Variants in PPARG observed in about 807,000 individuals in gnomAD.
PPARG encodes the protein peroxisome proliferator-activated receptor gamma.
In PPARG, 17 loss-of-function variants were observed where a neutral mutation model predicts 39.2. The ratio of observed to expected loss-of-function variants is 0.43; its 90% CI spans 0.30 to 0.65. PPARG has a LOEUF of 0.65. Ranked by LOEUF, PPARG falls within the 30% of genes least tolerant of loss-of-function variation. The pLI is 0.13. For missense variants in PPARG, 406 were observed against 585.9 expected (o/e 0.69, Z 3.17); for synonymous variants, 223 against 215.7 (o/e 1.03, Z -0.30).
chr3:12,316,192 C>T lies in PPARG; in HGVS notation c.-9+3739C>T, dbSNP rs138967752. Among the ~76,000 whole-genome samples, 16 of 152,234 alleles carry T rather than the reference C, an allele frequency of 1.1e-4. No homozygotes were observed. In the East Asian group the frequency reaches 1.9e-3, roughly 18 times the overall value. On this transcript the variant is annotated intron_variant, in intron 2 of 7. Transcript: ENST00000651735. ...TAAAAGACAAAGTTAGGAGCAGGTA[C>T]GTACTTTGGCGTCTGAAAATGAGCG...
chr3:12,348,528 A>T (rs1237736158), intron 2 of PPARG, among the ~76,000 whole-genome samples: 1 of 152,154 alleles, frequency 6.6e-6, no homozygotes, highest in Non-Finnish European at 1.5e-5. Context: ...ATCATTCCTC[A>T]TTATCCCCAT....
chr3:12,366,846 T>TA (rs768040352), intron 2 of PPARG, among the ~76,000 whole-genome samples: 6 of 152,208 alleles, frequency 3.9e-5, no homozygotes, highest in Non-Finnish European at 7.4e-5. Context: ...GAGATTGGTC[T>TA]ATAGGGTTTA....
At chr3:12,288,534 G>A (rs1410005111), upstream of PPARG, among the ~76,000 whole-genome samples, 1 of 152,050 alleles carries the variant, frequency 6.6e-6, no homozygotes, top group African/African-American at 2.4e-5. Context: ...GGAGCAGGGT[G>A]TCTGGACCCG....
At chr3:12,312,336 A>C (rs1190772423) in intron 1 of PPARG, 44 bp from the exon 2 acceptor site, 2 of 152,250 alleles carry the variant, frequency 1.3e-5, no homozygotes, top group Admixed American at 1.3e-4. Context: ...CACATTCTGA[A>C]CATGTGTGTA....
At chr3:12,318,595 G>T (rs891892401) in intron 2 of PPARG, among the ~76,000 whole-genome samples, 7 of 152,128 alleles carry the variant, frequency 4.6e-5, no homozygotes, top group African/African-American at 1.7e-4. Flanking sequence ...AAAAGATTAT[G>T]GGTGAAACTC....
intron 6 of PPARG, among the ~76,000 whole-genome samples, chr3:12,412,388 A>G (rs2050907651): frequency 6.6e-6 from 1 of 152,242 alleles, no homozygotes; most frequent in Non-Finnish European, 1.5e-5. Context: ...TTACTCATCT[A>G]TATAAAACAG....
At chr3:12,406,532 CT>C (rs10540594) in intron 6 of PPARG, 291 of 60,474 alleles carry the variant, frequency 4.8e-3, no homozygotes, top group South Asian at 0.016. Flanking sequence ...AGAGTTACCT[CT>C]TTTTTTTTTT....
At chr3:12,310,945 T>G (rs1026764342) in intron 1 of PPARG, among the ~76,000 whole-genome samples, 7 of 152,222 alleles carry the variant, frequency 4.6e-5, no homozygotes, top group South Asian at 4.2e-4. Flanking sequence ...CATTAGAGTG[T>G]GTTTATGTAA....
intron 2 of PPARG, among the ~76,000 whole-genome samples, chr3:12,379,271 C>T (rs1575083613): frequency 6.6e-6 from 1 of 152,142 alleles, no homozygotes; most frequent in Non-Finnish European, 1.5e-5. Flanking sequence ...TCCCAAAGTG[C>T]TGGGATTACA....
At chr3:12,355,295 C>G (rs978941516) in intron 2 of PPARG, among the ~76,000 whole-genome samples, 1 of 152,052 alleles carries the variant, frequency 6.6e-6, no homozygotes, top group African/African-American at 2.4e-5. Flanking sequence ...CTTACCACAC[C>G]CAGCAAATTT....
At chr3:12,292,955 G>T (rs1379739849) in intron 1 of PPARG, among the ~76,000 whole-genome samples, 5 of 152,216 alleles carry the variant, frequency 3.3e-5, no homozygotes, top group Non-Finnish European at 5.9e-5. Context: ...GGATGCAGAG[G>T]CGAAGGCAAA....
At chr3:12,299,376 C>CA (rs2046871745) in intron 1 of PPARG, among the ~76,000 whole-genome samples, 1 of 152,130 alleles carries the variant, frequency 6.6e-6, no homozygotes, top group South Asian at 2.1e-4. Flanking sequence ...ACCGTGGACT[C>CA]AGGGGGCTCT....
intron 2 of PPARG, chr3:12,327,966 A>G: frequency 1.3e-6 from 1 of 759,048 alleles, no homozygotes; most frequent in South Asian, 1.5e-5. Flanking sequence ...TAAAATGGGA[A>G]TAAATAGTAT....
chr3:12,310,519 A>C (rs2047202912), intron 1 of PPARG, among the ~76,000 whole-genome samples: 1 of 66,498 alleles, frequency 1.5e-5, no homozygotes, highest in South Asian at 5.0e-4. Flanking sequence ...GCTGGAGTGC[A>C]GTGGCGGGAT....
intron 2 of PPARG, among the ~76,000 whole-genome samples, chr3:12,364,193 C>G (rs2048941879): frequency 6.6e-6 from 1 of 152,188 alleles, no homozygotes. Flanking sequence ...CCTAAAAATC[C>G]TCTGGGATCC....
At chr3:12,413,987 C>CTA (rs1457315363) in intron 6 of PPARG, among the ~76,000 whole-genome samples, 1 of 152,032 alleles carries the variant, frequency 6.6e-6, no homozygotes, top group Non-Finnish European at 1.5e-5. Context: ...ATTTTGTGCC[C>CTA]TATGTTCAAC....
intron 2 of PPARG, among the ~76,000 whole-genome samples, chr3:12,338,677 C>G (rs2048086848): frequency 6.6e-6 from 1 of 152,096 alleles, no homozygotes; most frequent in Admixed American, 6.5e-5. Flanking sequence ...TGCTTAATGC[C>G]ATATCTGATT....
intron 4 of PPARG, among the ~76,000 whole-genome samples, chr3:12,387,936 C>T (rs1279321664): frequency 6.6e-6 from 1 of 152,056 alleles, no homozygotes; most frequent in African/African-American, 2.4e-5. Flanking sequence ...ATCAAAAAAA[C>T]CTTCCTCTCC....
intron 7 of PPARG, among the ~76,000 whole-genome samples, chr3:12,421,843 TCCAGCAGTC>T (rs915298887): frequency 2.0e-4 from 31 of 152,290 alleles, no homozygotes; most frequent in African/African-American, 6.7e-4. Context: ...TCCTTCTTTT[TCCAGCAGTC>T]CCAGCACTGT....
Sources: gnomAD v4.1 joint callset for allele counts (sites outside exome capture counted in the v4.1 genomes callset) on GRCh38, gnomAD v4.1.1 for gene constraint, MANE v1.5 for transcripts, NCBI Gene and HGNC (gene_info 2026-07-23, HGNC 2026-07-21) for gene names.